NEB: variants seen among roughly 807,000 people sequenced by gnomAD.
NEB encodes the protein nebulin.
A neutral mutation model predicts 952.2 loss-of-function variants in NEB; 512 were observed. That is an observed-to-expected ratio of 0.54 (90% CI 0.50 to 0.58). The LOEUF is 0.58. NEB is among the 20% of genes least tolerant of loss of function. The pLI is 0.00. For synonymous variants in NEB, 2,900 were observed against 3,149.8 expected, an observed-to-expected ratio of 0.92 and a Z score of 2.66; for missense variants, 8,428 against 9,231.1, an observed-to-expected ratio of 0.91 and a Z score of 3.56.
Position 151,499,324 on chromosome 2 carries a change from T to TGACTC in NEB, c.24083_24087dup (p.Lys8030GlufsTer117), listed in dbSNP as rs1300584265. 6.5e-7 allele frequency: 1 copy of TGACTC among 1,536,988 alleles called. No individual in the cohort carries two copies. The highest frequency in any genetic ancestry group is 8.8e-7 in the Non-Finnish European group (1 of 1,138,556). On this transcript the variant is annotated frameshift_variant, in exon 169 of 182. Coordinates refer to ENST00000397345, the MANE Select transcript of NEB (RefSeq NM_001164508.2). LOFTEE classifies it high-confidence loss of function. ...GAACTAAAGTTTTCTTGATTGTGTT[T>TGACTC]GACTCTCTCCATCTCTGGAGTGATG...
intron 37 of NEB, 154 bp from the exon 38 acceptor site, chr2:151,671,383 TAAG>T (rs1393027355): frequency 3.4e-5 from 22 of 642,104 alleles, no homozygotes; most frequent in South Asian, 2.0e-4. Context: ...AGTGTGGTAA[TAAG>T]AAGAAGCTGT....
chr2:151,655,235 T>C, intron 51 of NEB, 35 bp downstream of exon 51: 2 of 1,213,452 alleles, frequency 1.6e-6, no homozygotes, highest in African/African-American at 1.5e-5. Flanking sequence ...TAAGTTTCAA[T>C]ACAAAACTTA....
intron 63 of NEB, 62 bp from the exon 64 acceptor site, chr2:151,636,396 A>G: frequency 7.8e-7 from 1 of 1,288,784 alleles, no homozygotes; most frequent in Non-Finnish European, 1.1e-6. Flanking sequence ...ACAGAGGACT[A>G]AGACAATTCA....
At chr2:151,685,752 C>T (rs1323528998) in intron 27 of NEB, among the ~76,000 whole-genome samples, 1 of 152,200 alleles carries the variant, frequency 6.6e-6, no homozygotes, top group African/African-American at 2.4e-5. Context: ...ATTGTATCCA[C>T]TCACCAATTA....
At chr2:151,717,576 T>C (rs949456534) in intron 9 of NEB, 56 bp from the exon 10 acceptor site, 122 of 1,285,484 alleles carry the variant, frequency 9.5e-5, no homozygotes, top group Non-Finnish European at 9.5e-5. Flanking sequence ...TTCATCTTTA[T>C]TTGAAGTCTT....
At chr2:151,502,989 AG>A in intron 166 of NEB, 104 bp from the exon 167 acceptor site, 1 of 673,690 alleles carries the variant, frequency 1.5e-6, no homozygotes. Context: ...GCAGTTTTTT[AG>A]TAAGTAATAT....
Position 151,727,763 on chromosome 2 carries a change from C to T in NEB, c.222G>A (p.Lys74=). 1 of 1,613,752 alleles carries T rather than the reference C, an allele frequency of 6.2e-7. No individual in the cohort carries two copies. The highest frequency in any genetic ancestry group is 8.5e-7 in the Non-Finnish European group (1 of 1,179,760). The part of the protein sequence containing the change: ...KPVERRKVIR[K]KVDPSKFMTP... Reference sequence around the variant, plus strand: ...TCATGAACTTTGAAGGATCCACTTTCTTCCGGATGACCTTCCTCCTCTCCA... The same window carrying T: ...TCATGAACTTTGAAGGATCCACTTTTTTCCGGATGACCTTCCTCCTCTCCA... The change falls in exon 5 of 182, where the codon AAG becomes AAA. Residue 74 remains lysine (K), a synonymous_variant. Coordinates refer to ENST00000397345, the MANE Select transcript of NEB (RefSeq NM_001164508.2).
intron 165 of NEB, among the ~76,000 whole-genome samples, chr2:151,503,690 A>G (rs924178214): frequency 6.6e-6 from 1 of 152,196 alleles, no homozygotes; most frequent in Non-Finnish European, 1.5e-5. Flanking sequence ...CATGCCTAAA[A>G]TGCATTAATA....
chr2:151,692,424 T>C, intron 20 of NEB, 62 bp from the exon 21 acceptor site: 1 of 1,269,142 alleles, frequency 7.9e-7, no homozygotes, highest in South Asian at 1.3e-5. Context: ...AAAGTAAAAG[T>C]CATTCATGTC....
chr2:151,511,792 G>C (rs1333704372), intron 161 of NEB, among the ~76,000 whole-genome samples: 1 of 152,002 alleles, frequency 6.6e-6, no homozygotes, highest in East Asian at 1.9e-4. Context: ...GGGGAGTCAG[G>C]GGTTAGACTG....
At chr2:151,498,048 A>G in intron 170 of NEB, 2 of 1,448,962 alleles carry the variant, frequency 1.4e-6, no homozygotes, top group African/African-American at 1.4e-5. Context: ...GGAAACATTC[A>G]TTATTTTTAA....
At position 151,553,465 on chromosome 2, in the gene NEB, A is replaced by G; in HGVS notation, c.19664T>C (p.Ile6555Thr). 3 of 1,613,754 alleles carry G rather than the reference A, an allele frequency of 1.9e-6. No individual in the cohort carries two copies. The highest frequency in any genetic ancestry group is 1.7e-6 in the Non-Finnish European group (2 of 1,179,698). ...YKDDLNWLKG[I>T]GCYVWDTPEI... Reference sequence around the variant, plus strand: ...AGGAGTGTCCCAGACGTAGCAACCAATGCCTTTCAGCCAGTTGAGGTCATC... The same window carrying G: ...AGGAGTGTCCCAGACGTAGCAACCAGTGCCTTTCAGCCAGTTGAGGTCATC... The change falls in exon 127 of 182, where the codon ATT becomes ACT. Residue 6555 changes from isoleucine (I) to threonine (T), a missense_variant. Around this residue, in one of 11 missense-constraint regions of NEB, gnomAD observed 3,374 missense variants for 3,651.5 expected, o/e 0.92. Transcript: ENST00000397345.
intron 123 of NEB, 46 bp downstream of exon 123, chr2:151,560,958 G>C (rs76261031): frequency 2.5e-6 from 3 of 1,177,186 alleles, no homozygotes; most frequent in Admixed American, 4.0e-5. Context: ...GTCCCAGAAG[G>C]GGGAAAGGTG....
chr2:151,617,279 A>G (rs1477354064), intron 75 of NEB, 85 bp downstream of exon 75: 7 of 869,648 alleles, frequency 8.0e-6, no homozygotes, highest in Non-Finnish European at 1.3e-5. Context: ...TGTGTAGTAA[A>G]TTAGTCAAAA....
In NEB at chr2:151,670,990, A is replaced by C. The variant is rs760034977; in HGVS notation, c.4506+33T>G. ...GCGGCTCAGACACGTGTGGTTATTT[A>C]CGGGCAAATCATTTTGAAAGGAAAG... On this transcript the variant is annotated intron_variant, in intron 38 of 181. Transcript: ENST00000397345. 3.2e-5 allele frequency: 50 copies of C among 1,586,204 alleles called. 1 individual carries two copies. In the South Asian group the frequency reaches 5.3e-4, roughly 17 times the overall value.
intron 181 of NEB, among the ~76,000 whole-genome samples, chr2:151,488,827 T>C (rs544587883): frequency 1.5e-3 from 228 of 152,308 alleles, no homozygotes; most frequent in African/African-American, 5.2e-3. Context: ...CCTTTCTTGC[T>C]GATTTATAAT....
intron 92 of NEB, among the ~76,000 whole-genome samples, chr2:151,594,675 TG>T (rs1188952322): frequency 2.6e-5 from 3 of 113,632 alleles, no homozygotes; most frequent in Non-Finnish European, 2.0e-5. Flanking sequence ...CATTGACTGG[TG>T]GCAATTATGA....
In NEB at chr2:151,643,800, G is replaced by T. The variant is rs775427411; in HGVS notation, c.7956+18C>A. On this transcript the variant is annotated intron_variant, in intron 57 of 181. Coordinates refer to ENST00000397345, the MANE Select transcript of NEB (RefSeq NM_001164508.2). ...CAGACATAATGTTTTGTTGGCCAAA[G>T]GAAAATCTTAGACTCACATCGCTCT... 1.7e-5 allele frequency: 28 copies of T among 1,606,338 alleles called. No homozygotes were observed. The highest frequency in any genetic ancestry group is 2.2e-5 in the Non-Finnish European group (26 of 1,174,222).
At chr2:151,643,788 T>C in intron 57 of NEB, 30 bp downstream of exon 57, 3 of 1,601,694 alleles carry the variant, frequency 1.9e-6, no homozygotes, top group Non-Finnish European at 2.6e-6. Flanking sequence ...ACATAATGTT[T>C]TGTTGGCCAA....
Sources: gnomAD v4.1 joint callset for allele counts (sites outside exome capture counted in the v4.1 genomes callset) on GRCh38, gnomAD v4.1.1 for gene constraint, gnomAD v4.1.1 regional missense constraint, MANE v1.5 for transcripts, NCBI Gene and HGNC (gene_info 2026-07-23, HGNC 2026-07-21) for gene names.